The following RAPGEF3 variants were observed in gnomAD, a reference collection of about 807,000 sequenced individuals.
RAPGEF3 encodes the protein 9330170P05Rik.
A neutral mutation model predicts 129.8 loss-of-function variants in RAPGEF3; 103 were observed. The ratio of observed to expected loss-of-function variants is 0.79; its 90% confidence interval spans 0.68 to 0.93. RAPGEF3 has a LOEUF of 0.93. Ranked by LOEUF, RAPGEF3 falls within the 40% of genes least tolerant of loss-of-function variation. The pLI, the probability that RAPGEF3 is intolerant of heterozygous loss-of-function variation, is 0.00. For missense variants in RAPGEF3, 1,117 were observed against 1,207.4 expected, an observed-to-expected ratio of 0.93 and a Z score of 1.11; for synonymous variants, 436 against 482.6, an observed-to-expected ratio of 0.90 and a Z score of 1.26.
At chr12:47,752,147 G>A (rs1033390752) in intron 2 of RAPGEF3, among the ~76,000 whole-genome samples, 178 bp from the exon 3 acceptor site, 2 of 152,024 alleles carry the variant, frequency 1.3e-5, no homozygotes, top group African/African-American at 4.8e-5. Flanking sequence ...CCCGGGCATC[G>A]CCTCTTCCCA....
chr12:47,742,274 T>C (rs1484760273), intron 18 of RAPGEF3: 2 of 152,292 alleles, frequency 1.3e-5, no homozygotes, highest in Non-Finnish European at 2.9e-5. Context: ...GTGTGGGTTT[T>C]AATTAAATGT....
intron 22 of RAPGEF3, 46 bp downstream of exon 22, chr12:47,740,259 G>T (rs753268113): frequency 6.2e-7 from 1 of 1,611,028 alleles, no homozygotes; most frequent in East Asian, 2.2e-5. Flanking sequence ...CTCCCAGGAG[G>T]GCCTGAGGCC....
chr12:47,749,870 CA>C lies in RAPGEF3; in HGVS notation c.818-54del. ...CCTCCTGGCACCTACCATTCCTTCA[CA>C]CATCCTTCTGCCCATGTCCAGGCCC... On this transcript the variant is annotated intron_variant, in intron 8 of 27. Transcript: ENST00000449771. This position sits in a 1 kb window ranked among gnomAD's most constrained non-coding sequence, Gnocchi z 4.5. 6.2e-7 allele frequency: 1 copy of C among 1,613,924 alleles called. No homozygotes were observed. The highest frequency in any genetic ancestry group is 8.5e-7 in the Non-Finnish European group (1 of 1,179,764).
intron 2 of RAPGEF3, among the ~76,000 whole-genome samples, chr12:47,754,416 C>T (rs1266914787): frequency 3.9e-5 from 6 of 152,168 alleles, no homozygotes; most frequent in Non-Finnish European, 8.8e-5. Context: ...TAGGATGGGG[C>T]GGAGAGAGGG....
intron 21 of RAPGEF3, 72 bp downstream of exon 21, chr12:47,740,570 C>T: frequency 6.4e-7 from 1 of 1,564,932 alleles, no homozygotes; most frequent in South Asian, 1.1e-5. Context: ...ACATACTAAG[C>T]AAAGAGGGGG....
intron 25 of RAPGEF3, 24 bp downstream of exon 25, chr12:47,738,666 A>G (rs765585610): frequency 2.2e-5 from 34 of 1,568,646 alleles, no homozygotes; most frequent in Non-Finnish European, 2.9e-5. Context: ...GTTAGTAGTG[A>G]ATGCCTGCTC....
At chr12:47,758,519 C>A in intron 1 of RAPGEF3, 32 bp downstream of exon 1, 2 of 1,612,234 alleles carry the variant, frequency 1.2e-6, no homozygotes, top group Non-Finnish European at 1.7e-6. Context: ...CCCTCTCCTG[C>A]TCCTCCTCAA....
chr12:47,757,890 C>T lies in RAPGEF3; in HGVS notation c.195G>A (p.Pro65=), dbSNP rs769725885. ...CCCAGCGCAGCCCCTGGATGCAGCT[C>T]GGACGCTGGTGCTCCAGCAGCAGCT... The part of the protein sequence containing the change: ...SYQLLLEHQR[P]SCIQGLRWTP... Residue 65 remains proline (P), a synonymous_variant, in exon 2 of 28, where the codon CCG becomes CCA. Coordinates refer to ENST00000449771, the MANE Select transcript of RAPGEF3 (RefSeq NM_001098531.4). The T allele has an allele frequency of 9.6e-6, 15 of 1,555,810 alleles. No individual in the cohort carries two copies. The East Asian group carries it at 1.9e-4, about 20-fold the overall frequency.
At chr12:47,746,517 G>A in intron 16 of RAPGEF3, 1 of 635,050 alleles carries the variant, frequency 1.6e-6, no homozygotes, top group Non-Finnish European at 2.8e-6. Context: ...CACAGCACTG[G>A]CCACCAGGAG....
Position 47,740,390 on chromosome 12 carries a change from T to G in RAPGEF3, c.2237A>C (p.Lys746Thr). ...RKFIKLAAHL[K>T]EQKNLNSFFA... ...GAAGGAATTGAGATTCTTCTGCTCC[T>G]TGAGGCTGTGAGCAGAAGACCCAGA... is the stretch of plus-strand genomic sequence containing the variant. The change falls in exon 22 of 28, where the codon AAG (lysine) becomes ACG (threonine). Residue 746 changes from lysine to threonine, a missense_variant. Around this residue, in one of 3 missense-constraint regions of RAPGEF3, gnomAD observed 643 missense variants for 673.4 expected, o/e 0.95. Transcript: ENST00000449771. 1 of 1,613,770 alleles carries G rather than the reference T, an allele frequency of 6.2e-7. No homozygotes were observed. The highest frequency in any genetic ancestry group is 8.5e-7 in the Non-Finnish European group (1 of 1,179,884).
intron 2 of RAPGEF3, 135 bp from the exon 3 acceptor site, chr12:47,752,104 C>A: frequency 1.1e-6 from 1 of 884,026 alleles, no homozygotes; most frequent in South Asian, 1.5e-5. Flanking sequence ...ACTCCTTCAG[C>A]AAATAAACAA....
In RAPGEF3 at chr12:47,737,549, T is replaced by A; in HGVS notation, c.*18A>T. On this transcript the variant is annotated 3_prime_UTR_variant, in exon 28 of 28. Coordinates refer to ENST00000449771, the MANE Select transcript of RAPGEF3 (RefSeq NM_001098531.4). ...CCCGGCTGCAAGTGCCTGCTCCAGC[T>A]CCAGTCCCAGCCCCTCCTCATGGCT... 6.2e-7 allele frequency: 1 copy of A among 1,606,246 alleles called. No homozygotes were observed. The highest frequency in any genetic ancestry group is 8.5e-7 in the Non-Finnish European group (1 of 1,175,628).
At chr12:47,746,955 AG>A in intron 15 of RAPGEF3, 56 bp from the exon 16 acceptor site, 1 of 1,538,468 alleles carries the variant, frequency 6.5e-7, no homozygotes, top group Non-Finnish European at 8.9e-7. Context: ...GGGCTGCAGC[AG>A]GGAGGCCCTT....
At chr12:47,738,917 C>G in intron 24 of RAPGEF3, 163 bp from the exon 25 acceptor site, 1 of 741,992 alleles carries the variant, frequency 1.3e-6, no homozygotes, top group Non-Finnish European at 2.3e-6. Flanking sequence ...TCTCTTAGGC[C>G]CTGAAGGCAG....
Position 47,749,067 on chromosome 12 carries a change from T to C in RAPGEF3, c.1042-136A>G, listed in dbSNP as rs1439195582. On this transcript the variant is annotated intron_variant, in intron 10 of 27. Transcript: ENST00000449771. This position sits in a 1 kb window ranked among gnomAD's most constrained non-coding sequence, Gnocchi z 4.5. ...CACAGCCCTTCTCCCACCTCCGACT[T>C]TGGCTCCACCTCCTCAGCCTTCCCT... is the stretch of plus-strand genomic sequence containing the variant. 8.1e-6 allele frequency: 6 copies of C among 744,148 alleles called. No homozygotes were observed. Among genetic ancestry groups the C allele is most frequent in the Non-Finnish European group, 2.2e-6 (1 of 445,986 alleles). The allele number at this position is 744,148 out of a possible 1,614,324, so 46.1% of individuals were successfully genotyped here.
rs763106319 is a variant in RAPGEF3 at position 47,740,828 on chromosome 12, G to A, written c.2050-5C>T. 4 of 1,613,700 alleles carry A rather than the reference G, an allele frequency of 2.5e-6. No homozygotes were observed. The African/African-American group carries it at 4.0e-5, about 16-fold the overall frequency. On this transcript the variant is annotated splice_polypyrimidine_tract_variant and splice_region_variant and intron_variant, in intron 20 of 27. Transcript: ENST00000449771. ...CACATAGTGGATCAGCTCCACCTGGGTGGGGTCAGCAGGAGAGGTCAGCGA... is the reference window on the plus strand; with the variant it reads ...CACATAGTGGATCAGCTCCACCTGGATGGGGTCAGCAGGAGAGGTCAGCGA...
At chr12:47,747,934 C>A in intron 13 of RAPGEF3, 72 bp from the exon 14 acceptor site, 1 of 1,590,480 alleles carries the variant, frequency 6.3e-7, no homozygotes. Flanking sequence ...GGGCAGGATG[C>A]CCAGGGCCCC....
rs534399784 is a variant in RAPGEF3, at chr12:47,737,507, C to G, written c.*60G>C. 6.7e-7 allele frequency: 1 copy of G among 1,490,142 alleles called. No individual in the cohort carries two copies. Among genetic ancestry groups the G allele is most frequent in the Non-Finnish European group, 9.2e-7 (1 of 1,082,476 alleles). 92.3% of individuals were successfully genotyped at this position (1,490,142 alleles called of 1,614,324 possible). A position where few individuals can be genotyped will look rare whatever the true frequency, so the allele number is the denominator to read the frequency against. The stretch of plus-strand genomic sequence containing the variant: ...TGGCCAGCCTGTGAGTATCTTGGCC[C>G]GGCACACCCTGGCTTTCCCGGCTGC... On this transcript the variant is annotated 3_prime_UTR_variant, in exon 28 of 28. Coordinates refer to ENST00000449771, the MANE Select transcript of RAPGEF3 (RefSeq NM_001098531.4).
intron 19 of RAPGEF3, 30 bp downstream of exon 19, chr12:47,741,475 C>T (rs761546322): frequency 1.3e-6 from 2 of 1,588,894 alleles, no homozygotes; most frequent in East Asian, 2.2e-5. Context: ...GATCTCCTCC[C>T]TGGGCCCTGG....
Sources: gnomAD v4.1 joint callset for allele counts (sites outside exome capture counted in the v4.1 genomes callset) on GRCh38, gnomAD v4.1.1 for gene constraint, gnomAD v4.1.1 regional missense constraint, Gnocchi (gnomAD v3.1) non-coding constraint, MANE v1.5 for transcripts, NCBI Gene and HGNC (gene_info 2026-07-23, HGNC 2026-07-21) for gene names.